The following STXBP5L variants were observed in gnomAD, a reference collection of about 807,000 sequenced individuals.
STXBP5L encodes the protein syntaxin binding protein 5L, also known as syntaxin-binding protein 5-like.
Under a neutral mutation model 144.5 loss-of-function variants are expected in STXBP5L, and 65 were observed. The observed-to-expected ratio is 0.45, with a 90% CI of 0.37 to 0.55. The LOEUF is 0.55. STXBP5L is among the 20% of genes least tolerant of loss of function. STXBP5L has a pLI of 0.00. For synonymous variants in STXBP5L, 505 were observed against 469.6 expected (o/e 1.08, Z -0.97); for missense variants, 1,298 against 1,405.5 (o/e 0.92, Z 1.22).
chr3:121,299,425 C>G (rs562987240), intron 19 of STXBP5L, among the ~76,000 whole-genome samples: 1 of 152,126 alleles, frequency 6.6e-6, no homozygotes, highest in East Asian at 1.9e-4. Context: ...TACCAAGGAA[C>G]CTAAATTGGA....
intron 9 of STXBP5L, among the ~76,000 whole-genome samples, chr3:121,163,395 G>C (rs1258533906): frequency 6.6e-6 from 1 of 151,920 alleles, no homozygotes; most frequent in Admixed American, 6.6e-5. Flanking sequence ...ACACAGGGAA[G>C]GGAACATCAC....
intron 7 of STXBP5L, among the ~76,000 whole-genome samples, chr3:121,132,592 C>G (rs2045045055): frequency 6.6e-6 from 1 of 152,028 alleles, no homozygotes; most frequent in African/African-American, 2.4e-5. Flanking sequence ...GTGCAGAAAG[C>G]AACATAGAGA....
At chr3:121,139,069 A>G (rs1427308585) in intron 7 of STXBP5L, among the ~76,000 whole-genome samples, 1 of 152,010 alleles carries the variant, frequency 6.6e-6, no homozygotes. Flanking sequence ...TGTCGTTATT[A>G]GAAACTAGGA....
At chr3:121,362,114 C>G in intron 20 of STXBP5L, among the ~76,000 whole-genome samples, 1 of 152,190 alleles carries the variant, frequency 6.6e-6, no homozygotes, top group East Asian at 1.9e-4. Flanking sequence ...GACTCTTATT[C>G]TTTACTTACT....
At chr3:120,949,760 T>G (rs1412887070) in intron 2 of STXBP5L, among the ~76,000 whole-genome samples, 1 of 152,156 alleles carries the variant, frequency 6.6e-6, no homozygotes, top group Non-Finnish European at 1.5e-5. Context: ...GGTTCTTTAT[T>G]CTGTTCCATT....
intron 5 of STXBP5L, among the ~76,000 whole-genome samples, chr3:121,079,603 G>A (rs189798949): frequency 1.9e-3 from 289 of 152,268 alleles, no homozygotes; most frequent in African/African-American, 6.3e-3. Context: ...ATTCAAGAGC[G>A]TATTATTTAA....
At chr3:121,057,250 T>C (rs565093857) in intron 5 of STXBP5L, among the ~76,000 whole-genome samples, 3 of 152,134 alleles carry the variant, frequency 2.0e-5, no homozygotes, top group African/African-American at 7.2e-5. Context: ...TGCTACATGT[T>C]AATGTAGCAT....
chr3:121,012,167 C>A (rs1437039153), intron 3 of STXBP5L, among the ~76,000 whole-genome samples: 1 of 151,772 alleles, frequency 6.6e-6, no homozygotes, highest in Non-Finnish European at 1.5e-5. Context: ...AAATAAAATT[C>A]TATTTTATGG....
At chr3:121,333,341 C>A (rs1263410849) in intron 20 of STXBP5L, among the ~76,000 whole-genome samples, 1 of 151,976 alleles carries the variant, frequency 6.6e-6, no homozygotes, top group East Asian at 1.9e-4. Flanking sequence ...AACAAAGATA[C>A]AACATACCAG....
chr3:120,963,317 A>G (rs1939102532), intron 3 of STXBP5L, among the ~76,000 whole-genome samples: 1 of 152,166 alleles, frequency 6.6e-6, no homozygotes, highest in African/African-American at 2.4e-5. Context: ...ATTATGTTGA[A>G]TAGGAATAGT....
chr3:121,368,118 T>C (rs2045922023), intron 20 of STXBP5L, among the ~76,000 whole-genome samples: 1 of 152,062 alleles, frequency 6.6e-6, no homozygotes, highest in Admixed American at 6.5e-5. Flanking sequence ...CAATATTGAC[T>C]TTTTACTTAA....
intron 5 of STXBP5L, among the ~76,000 whole-genome samples, chr3:121,096,241 A>C (rs563979633): frequency 6.6e-6 from 1 of 152,062 alleles, no homozygotes; most frequent in East Asian, 1.9e-4. Flanking sequence ...CTATCTTGGA[A>C]CCACCTCCTC....
At position 120,955,034 on chromosome 3, in the gene STXBP5L, G is replaced by T. The variant is rs865873766; in HGVS notation, c.284G>T (p.Arg95Leu). The change falls in exon 3 of 27, where the codon CGA (arginine) becomes CTA (leucine). Residue 95 changes from arginine (R) to leucine (L), a missense_variant. Physicochemically the swap from Arg to Leu is moderately radical, Grantham distance 102 (BLOSUM62 -2). Coordinates refer to ENST00000471454, the MANE Select transcript of STXBP5L (RefSeq NM_001308330.2). ...LAIGTRTGAI[R>L]ILGRPGVDCY... ...ATTGGGACGAGAACAGGTGCTATAC[G>T]AATGTATCCTTAAATTTTGGTTCAT... 5.0e-6 allele frequency: 8 copies of T among 1,609,856 alleles called. No individual in the cohort carries two copies. In the African/African-American group the frequency reaches 1.1e-4, roughly 22 times the overall value.
intron 9 of STXBP5L, among the ~76,000 whole-genome samples, chr3:121,198,377 A>C (rs1000850890): frequency 2.0e-4 from 31 of 151,890 alleles, no homozygotes; most frequent in Middle Eastern, 3.4e-3. Context: ...TAGATTCTGG[A>C]TATTAGACCT....
intron 3 of STXBP5L, among the ~76,000 whole-genome samples, chr3:121,003,298 G>C (rs1205786178): frequency 2.0e-5 from 3 of 149,078 alleles, no homozygotes; most frequent in Non-Finnish European, 4.4e-5. Context: ...ACATTTCTCT[G>C]ATGGCCAGTG....
At chr3:121,129,387 C>T (rs780516563) in intron 7 of STXBP5L, among the ~76,000 whole-genome samples, 65 of 148,672 alleles carry the variant, frequency 4.4e-4, no homozygotes, top group Non-Finnish European at 8.0e-4. Flanking sequence ...TGGTAGTGGT[C>T]ACCAATACAT....
intron 2 of STXBP5L, among the ~76,000 whole-genome samples, chr3:120,915,023 C>G (rs1267871602): frequency 6.6e-6 from 1 of 152,054 alleles, no homozygotes; most frequent in African/African-American, 2.4e-5. Flanking sequence ...TTAAAGTTAC[C>G]TAGAGGGCAA....
At chr3:121,204,475 G>A (rs185388424) in intron 9 of STXBP5L, among the ~76,000 whole-genome samples, 5 of 152,198 alleles carry the variant, frequency 3.3e-5, no homozygotes, top group Admixed American at 1.3e-4. Context: ...ATATTGATTT[G>A]TTGTTTGTTA....
At chr3:120,939,532 G>A (rs1323871262) in intron 2 of STXBP5L, among the ~76,000 whole-genome samples, 1 of 152,114 alleles carries the variant, frequency 6.6e-6, no homozygotes, top group African/African-American at 2.4e-5. Context: ...ATACCTAAAA[G>A]CTATTCATAT....
Sources: allele counts gnomAD v4.1 joint callset (sites outside exome capture counted in the v4.1 genomes callset), GRCh38; gene constraint gnomAD v4.1.1; transcripts MANE v1.5; gene names NCBI Gene and HGNC (gene_info 2026-07-23, HGNC 2026-07-21).